SFXN5: variants seen among roughly 807,000 people sequenced by gnomAD.
The protein encoded by SFXN5 is sideroflexin 5, also known as sideroflexin-5.
SFXN5 carries 43 observed loss-of-function variants against 50.2 expected under a neutral mutation model. That is an observed-to-expected ratio of 0.86 (90% CI 0.67 to 1.11). The LOEUF (loss-of-function observed/expected upper bound fraction) is 1.11. Among genes scored for constraint, SFXN5 ranks in the 50% least tolerant of loss-of-function variants. The pLI is 0.00. For synonymous variants in SFXN5, 203 were observed against 185.8 expected (o/e 1.09, Z -0.75); for missense variants, 463 against 454.1 (o/e 1.02, Z -0.18).
rs115553966 is a variant in SFXN5, at chr2:73,062,518, G to A, written c.103-3922C>T. ...TTTGACTTGTCCTATGGTCTGGCAC[G>A]GTCTTCATCCTGTCCCAGCCCTGCC... On this transcript the variant is annotated intron_variant, in intron 1 of 13. Coordinates refer to ENST00000272433, the MANE Select transcript of SFXN5 (RefSeq NM_144579.3). 3.4e-3 allele frequency among the ~76,000 whole-genome samples: 525 copies of A among 152,248 alleles called. 5 individuals carry two copies. Among genetic ancestry groups the A allele is most frequent in the African/African-American group, 0.012 (501 of 41,538 alleles).
At chr2:73,045,257 T>C (rs1207014630) in intron 2 of SFXN5, among the ~76,000 whole-genome samples, 1 of 152,126 alleles carries the variant, frequency 6.6e-6, no homozygotes, top group African/African-American at 2.4e-5. Context: ...AGCCATTTCC[T>C]TGAGACATCC....
Position 72,986,241 on chromosome 2 carries a change from G to C in SFXN5, c.625+2017C>G, listed in dbSNP as rs1004001707. On this transcript the variant is annotated intron_variant, in intron 10 of 13. Transcript: ENST00000272433. The stretch of plus-strand genomic sequence containing the variant: ...CTGGCTGAGGCTGAGCCAGGTGGCT[G>C]GTTCTCGGAATTCATTAGTCTCTGG... Among the ~76,000 whole-genome samples, 13 of 152,212 alleles carry C rather than the reference G, an allele frequency of 8.5e-5. No homozygotes were observed. In the South Asian group the frequency reaches 1.2e-3, roughly 15 times the overall value.
chr2:73,039,717 G>A (rs867699090), intron 3 of SFXN5, among the ~76,000 whole-genome samples: 8 of 152,006 alleles, frequency 5.3e-5, no homozygotes, highest in Admixed American at 2.0e-4. Flanking sequence ...TTGCTCCTGC[G>A]GAACAGGCAT....
At chr2:72,957,752 T>C (rs776871773) in intron 13 of SFXN5, among the ~76,000 whole-genome samples, 4 of 152,224 alleles carry the variant, frequency 2.6e-5, no homozygotes, top group African/African-American at 4.8e-5. Flanking sequence ...TCTCGGCAAG[T>C]TGGCTGAAGG....
At chr2:73,017,494 G>A (rs2105805341) in intron 6 of SFXN5, among the ~76,000 whole-genome samples, 1 of 152,268 alleles carries the variant, frequency 6.6e-6, no homozygotes, top group East Asian at 1.9e-4. Flanking sequence ...GGTTCTCTGT[G>A]TACTCTCAAT....
At chr2:72,998,505 G>A (rs577561183) in intron 9 of SFXN5, 36 of 167,426 alleles carry the variant, frequency 2.2e-4, no homozygotes, top group Non-Finnish European at 4.1e-4. Context: ...TGTGACACCA[G>A]TAAGGCCATA....
chr2:72,963,961 C>T (rs1674069849), intron 12 of SFXN5, among the ~76,000 whole-genome samples: 1 of 152,162 alleles, frequency 6.6e-6, no homozygotes, highest in Admixed American at 6.5e-5. Flanking sequence ...AGAGGCAGCC[C>T]AGTGCGCTGG....
At chr2:72,974,346 T>G (rs917941139) in intron 10 of SFXN5, among the ~76,000 whole-genome samples, 2 of 152,040 alleles carry the variant, frequency 1.3e-5, no homozygotes, top group African/African-American at 4.8e-5. Context: ...ACATTAAACA[T>G]GCGGCGAGCA....
intron 2 of SFXN5, among the ~76,000 whole-genome samples, chr2:73,048,185 T>C (rs993956536): frequency 2.6e-5 from 4 of 152,236 alleles, no homozygotes; most frequent in Non-Finnish European, 4.4e-5. Context: ...TATATTTATA[T>C]AGAGATATAG....
intron 2 of SFXN5, among the ~76,000 whole-genome samples, chr2:73,051,932 G>A (rs899008808): frequency 3.9e-5 from 6 of 152,096 alleles, no homozygotes; most frequent in African/African-American, 9.7e-5. Flanking sequence ...TAACCATCTC[G>A]TAAAGGCCCC....
At chr2:73,013,088 A>G (rs1309833192) in intron 6 of SFXN5, among the ~76,000 whole-genome samples, 2 of 152,144 alleles carry the variant, frequency 1.3e-5, no homozygotes, top group Non-Finnish European at 2.9e-5. Flanking sequence ...AGCCACAAGA[A>G]AACCCATTTG....
rs531757258 is a variant in SFXN5, at chr2:73,059,050, G to T, written c.103-454C>A. The T allele has an allele frequency of 6.0e-6, 6 of 997,186 alleles. No individual in the cohort carries two copies. The African/African-American group carries it at 1.0e-4, about 17-fold the overall frequency. 61.8% of individuals were successfully genotyped at this position (997,186 alleles called of 1,614,324 possible). On this transcript the variant is annotated intron_variant, in intron 1 of 13. Transcript: ENST00000272433. ...CCCAAGGTCCAGCTCTGCCTCCAGG[G>T]GGGATCCCCAAGGGCAGCTCAAGCC...
At chr2:73,016,836 A>G (rs1676221247) in intron 6 of SFXN5, among the ~76,000 whole-genome samples, 1 of 152,216 alleles carries the variant, frequency 6.6e-6, no homozygotes, top group African/African-American at 2.4e-5. Context: ...TCATAAATTG[A>G]ACATATCGTA....
intron 10 of SFXN5, among the ~76,000 whole-genome samples, chr2:72,980,634 C>T (rs1671179931): frequency 6.6e-6 from 1 of 152,192 alleles, no homozygotes; most frequent in East Asian, 1.9e-4. Flanking sequence ...TAGGTGTAGG[C>T]TGACTCGGAA....
chr2:73,063,395 A>C (rs1221988326), intron 1 of SFXN5, among the ~76,000 whole-genome samples: 1 of 152,204 alleles, frequency 6.6e-6, no homozygotes. Context: ...ACAAAGAAAA[A>C]TATTTGGTAT....
At chr2:72,966,077 C>T (rs1218866887) in intron 12 of SFXN5, among the ~76,000 whole-genome samples, 1 of 152,190 alleles carries the variant, frequency 6.6e-6, no homozygotes, top group Non-Finnish European at 1.5e-5. Flanking sequence ...GGGTGGAGCG[C>T]TCCCAGGCTC....
At chr2:72,999,147 C>T in intron 8 of SFXN5, 133 bp from the exon 9 acceptor site, 2 of 874,342 alleles carry the variant, frequency 2.3e-6, no homozygotes, top group Non-Finnish European at 3.7e-6. Context: ...AGAGGCCCCT[C>T]AGGACTCAAA....
At chr2:73,016,448 T>C (rs1006753651) in intron 6 of SFXN5, among the ~76,000 whole-genome samples, 1 of 152,188 alleles carries the variant, frequency 6.6e-6, no homozygotes, top group Non-Finnish European at 1.5e-5. Context: ...CTCACACCTG[T>C]AATCCCAACA....
intron 3 of SFXN5, among the ~76,000 whole-genome samples, chr2:73,033,788 G>C (rs1241494996): frequency 6.6e-6 from 1 of 152,166 alleles, no homozygotes; most frequent in Non-Finnish European, 1.5e-5. Context: ...GTTTCTATTA[G>C]AGCAGTGGTT....
Sources: allele counts gnomAD v4.1 joint callset (sites outside exome capture counted in the v4.1 genomes callset), GRCh38; gene constraint gnomAD v4.1.1; transcripts MANE v1.5; gene names NCBI Gene and HGNC (gene_info 2026-07-23, HGNC 2026-07-21).